TMEM132B: variants seen among roughly 807,000 people sequenced by gnomAD.
TMEM132B encodes the protein transmembrane protein 132B.
In TMEM132B, 18 loss-of-function variants were observed where a neutral mutation model predicts 90.8. The ratio of observed to expected loss-of-function variants is 0.20; its 90% CI spans 0.14 to 0.29. The LOEUF (loss-of-function observed/expected upper bound fraction) is 0.29, where lower values mean the gene tolerates loss of function less well. Among genes scored for constraint, TMEM132B ranks in the 10% least tolerant of loss-of-function variants. TMEM132B has a pLI of 1.00. For synonymous variants in TMEM132B, 504 were observed against 523.3 expected (o/e 0.96, Z 0.50); for missense variants, 1,096 against 1,326.8 (o/e 0.83, Z 2.70).
chr12:125,641,180 G>A (rs1223229515), intron 5 of TMEM132B, among the ~76,000 whole-genome samples: 2 of 152,190 alleles, frequency 1.3e-5, no homozygotes, highest in Admixed American at 6.5e-5. Flanking sequence ...AAGGCAGAGC[G>A]AGTACTTGCT....
chr12:125,587,803 G>T (rs946320658), intron 5 of TMEM132B: 4 of 152,204 alleles, frequency 2.6e-5, no homozygotes, highest in African/African-American at 7.2e-5. Flanking sequence ...CTCTGATGGA[G>T]AATTCTGTAT....
chr12:125,652,840 C>A (rs1172743304), intron 8 of TMEM132B, among the ~76,000 whole-genome samples: 2 of 152,210 alleles, frequency 1.3e-5, no homozygotes, highest in Non-Finnish European at 2.9e-5. Flanking sequence ...CCACGCTGAC[C>A]ACATCCTTAT....
chr12:125,247,423 T>G (rs767516913), intron 1 of TMEM132B, among the ~76,000 whole-genome samples: 30 of 152,308 alleles, frequency 2.0e-4, no homozygotes, highest in Non-Finnish European at 3.7e-4. Context: ...TCACAGATGA[T>G]GCGACATGAA....
intron 1 of TMEM132B, among the ~76,000 whole-genome samples, chr12:125,232,314 AGT>A (rs573278023): frequency 1.8e-4 from 27 of 152,252 alleles, no homozygotes; most frequent in South Asian, 4.1e-4. Flanking sequence ...TCTCCAGTAG[AGT>A]GTGTCCATTT....
At chr12:125,322,726 C>G (rs1566001464) in intron 1 of TMEM132B, among the ~76,000 whole-genome samples, 1 of 152,096 alleles carries the variant, frequency 6.6e-6, no homozygotes. Context: ...GTTCAAATTT[C>G]AAAAAGTATA....
At chr12:125,503,939 A>G (rs977289793) in intron 3 of TMEM132B, among the ~76,000 whole-genome samples, 3 of 152,196 alleles carry the variant, frequency 2.0e-5, no homozygotes, top group Non-Finnish European at 4.4e-5. Flanking sequence ...AATTTTTTCT[A>G]TTTGTAGTTG....
In TMEM132B at chr12:125,191,917, C is replaced by T. The variant is rs538446371; in HGVS notation, c.67+5051C>T. 6.6e-5 allele frequency among the ~76,000 whole-genome samples: 10 copies of T among 152,266 alleles called. No individual in the cohort carries two copies. In the South Asian group the frequency reaches 8.3e-4, roughly 13 times the overall value. ...GTTCTCATTACAAGGCTGGGGACTT[C>T]AGCAAGAAAGAGGTTCATAAATAAC... On this transcript the variant is annotated intron_variant, in intron 1 of 8. Transcript: ENST00000682704.
At position 125,349,864 on chromosome 12, in the gene TMEM132B, T is replaced by A; in HGVS notation, c.480T>A (p.Asp160Glu). 5.0e-6 allele frequency: 8 copies of A among 1,614,182 alleles called. No homozygotes were observed. Among genetic ancestry groups the A allele is most frequent in the Non-Finnish European group, 5.1e-6 (6 of 1,180,032 alleles). Residue 160 changes from aspartate (D) to glutamate (E), a missense_variant, in exon 2 of 9, where the codon GAT becomes GAA. Transcript: ENST00000682704. The surrounding 1 kb of genome is among the most constrained non-coding windows in gnomAD (Gnocchi z 4.1). ...GGGATGACAGTGACCTTACGGAAGATCTACCCTGTGTCAAGATGTTTGCTT... is the reference window on the plus strand; with the variant it reads ...GGGATGACAGTGACCTTACGGAAGAACTACCCTGTGTCAAGATGTTTGCTT... ...MGWDDSDLTE[D>E]LPCVKMFAFP...
chr12:125,508,334 C>G (rs945346743), intron 3 of TMEM132B, among the ~76,000 whole-genome samples: 1 of 152,208 alleles, frequency 6.6e-6, no homozygotes, highest in Non-Finnish European at 1.5e-5. Flanking sequence ...ACGAACAAAG[C>G]CCTGGTCATC....
At chr12:125,630,655 T>C (rs1455396485) in intron 5 of TMEM132B, among the ~76,000 whole-genome samples, 1 of 152,132 alleles carries the variant, frequency 6.6e-6, no homozygotes, top group Non-Finnish European at 1.5e-5. Context: ...TAAACTCATG[T>C]CATGGGTGCT....
chr12:125,569,175 T>C (rs1033931990), intron 4 of TMEM132B, among the ~76,000 whole-genome samples: 2 of 152,094 alleles, frequency 1.3e-5, no homozygotes, highest in African/African-American at 4.8e-5. Flanking sequence ...GGCATTTGTG[T>C]TATGCCCCAG....
intron 2 of TMEM132B, among the ~76,000 whole-genome samples, chr12:125,351,983 A>G (rs1048976629): frequency 6.6e-6 from 1 of 152,210 alleles, no homozygotes; most frequent in African/African-American, 2.4e-5. Context: ...GTCTCCCTCT[A>G]GCACCCCCTA....
chr12:125,375,654 C>T (rs1027564144), intron 2 of TMEM132B, among the ~76,000 whole-genome samples: 4 of 152,236 alleles, frequency 2.6e-5, no homozygotes, highest in Admixed American at 1.3e-4. Flanking sequence ...GAGGTGCACA[C>T]ATCACACTCT....
intron 5 of TMEM132B, among the ~76,000 whole-genome samples, chr12:125,628,819 T>A (rs1886292308): frequency 6.6e-6 from 1 of 152,140 alleles, no homozygotes; most frequent in South Asian, 2.1e-4. Flanking sequence ...TTGATTTGAT[T>A]TTTGTATATG....
At chr12:125,592,548 C>A (rs1885339457) in intron 5 of TMEM132B, among the ~76,000 whole-genome samples, 1 of 151,792 alleles carries the variant, frequency 6.6e-6, no homozygotes, top group African/African-American at 2.4e-5. Flanking sequence ...AAAAAAAAAA[C>A]TAAAGTTTTT....
In TMEM132B at chr12:125,662,272, C is replaced by T. The variant is rs1887221082; in HGVS notation, c.*7562C>T. The T allele has an allele frequency of 6.6e-6, 1 of 152,168 alleles. No homozygotes were observed. The highest frequency in any genetic ancestry group is 6.5e-5 in the Admixed American group (1 of 15,278). 9.4% of individuals were successfully genotyped at this position (152,168 alleles called of 1,614,324 possible). A position where few individuals can be genotyped will look rare whatever the true frequency, so the allele number is the denominator to read the frequency against. ...TATCTCATTATATTACCTATGGTTT[C>T]AGTATGATCTGTTGTGTATGTTCCA... On this transcript the variant is annotated 3_prime_UTR_variant, in exon 9 of 9. Coordinates refer to ENST00000682704, the MANE Select transcript of TMEM132B (RefSeq NM_001366854.1).
At chr12:125,469,424 G>A (rs1218981945) in intron 3 of TMEM132B, among the ~76,000 whole-genome samples, 13 of 152,204 alleles carry the variant, frequency 8.5e-5, no homozygotes, top group Admixed American at 7.2e-4. Flanking sequence ...GGCTTAGCAT[G>A]TGCCAGCCAA....
At chr12:125,629,592 A>G (rs1177402387) in intron 5 of TMEM132B, among the ~76,000 whole-genome samples, 1 of 152,080 alleles carries the variant, frequency 6.6e-6, no homozygotes, top group Non-Finnish European at 1.5e-5. Flanking sequence ...AACCAAGGAT[A>G]ATTTGACTTC....
intron 4 of TMEM132B, among the ~76,000 whole-genome samples, chr12:125,533,912 T>A (rs1291915832): frequency 6.6e-6 from 1 of 152,184 alleles, no homozygotes. Flanking sequence ...ATAACATTTT[T>A]AAACAATATA....
Sources: gnomAD v4.1 joint callset for allele counts (sites outside exome capture counted in the v4.1 genomes callset) on GRCh38, gnomAD v4.1.1 for gene constraint, Gnocchi (gnomAD v3.1) non-coding constraint, MANE v1.5 for transcripts, NCBI Gene and HGNC (gene_info 2026-07-23, HGNC 2026-07-21) for gene names.